The following HOMER1 variants were observed in gnomAD, a reference collection of about 807,000 sequenced individuals.
HOMER1 encodes the protein homer protein homolog 1.
Under a neutral mutation model 48.9 loss-of-function variants are expected in HOMER1, and 3 were observed. The observed-to-expected ratio is 0.06, with a 90% CI of 0.03 to 0.16. The LOEUF is 0.16. HOMER1 is among the 10% of genes least tolerant of loss of function. The pLI is 1.00. For missense variants in HOMER1, 247 were observed against 411.4 expected (o/e 0.60, Z 3.46); for synonymous variants, 134 against 146.4 (o/e 0.92, Z 0.61).
chr5:79,395,907 G>C (rs764138562), intron 8 of HOMER1, among the ~76,000 whole-genome samples: 9 of 152,292 alleles, frequency 5.9e-5, no homozygotes, highest in East Asian at 3.9e-4. Context: ...AATGTTGGCT[G>C]TTCTTATTAT....
chr5:79,449,534 G>A (rs527389702), intron 3 of HOMER1, among the ~76,000 whole-genome samples: 374 of 152,260 alleles, frequency 2.5e-3, no homozygotes, highest in African/African-American at 8.6e-3. Context: ...GTGCAGTGTC[G>A]CAATCCTGGC....
chr5:79,467,391 C>CAAAAAAAAAAAAAAAAAAAAAAAAAA (rs71767032), intron 1 of HOMER1, among the ~76,000 whole-genome samples: 1 of 51,636 alleles, frequency 1.9e-5, no homozygotes. Flanking sequence ...AACTCCATCT[C>CAAAAAAAAAAAAAAAAAAAAAAAAAA]AAAAAAAAAA....
At chr5:79,418,345 C>G (rs569903988) in intron 5 of HOMER1, among the ~76,000 whole-genome samples, 1 of 152,156 alleles carries the variant, frequency 6.6e-6, no homozygotes, top group South Asian at 2.1e-4. Context: ...TAAAGCCTTC[C>G]TGATCGGCCT....
intron 8 of HOMER1, among the ~76,000 whole-genome samples, chr5:79,391,025 T>TA (rs577601983): frequency 1.3e-5 from 2 of 149,762 alleles, no homozygotes; most frequent in Non-Finnish European, 1.5e-5. Context: ...TTCAAAATGC[T>TA]AAAAAAATAA....
intron 5 of HOMER1, among the ~76,000 whole-genome samples, chr5:79,409,980 A>C (rs1468611049): frequency 6.6e-6 from 1 of 152,228 alleles, no homozygotes; most frequent in Non-Finnish European, 1.5e-5. Flanking sequence ...AAAATTTAGA[A>C]TTATATGATC....
intron 1 of HOMER1, among the ~76,000 whole-genome samples, chr5:79,474,636 T>A (rs141310514): frequency 3.1e-3 from 470 of 152,292 alleles, no homozygotes; most frequent in Admixed American, 5.2e-3. Context: ...CTCAGTTAGA[T>A]TGTTTTCTAC....
chr5:79,470,912 A>G (rs1323817070), intron 1 of HOMER1, among the ~76,000 whole-genome samples: 1 of 152,198 alleles, frequency 6.6e-6, no homozygotes, highest in Non-Finnish European at 1.5e-5. Context: ...AAACATGTCT[A>G]CAAAGCCTAA....
intron 1 of HOMER1, among the ~76,000 whole-genome samples, chr5:79,472,741 T>C (rs1751657616): frequency 6.6e-6 from 1 of 152,060 alleles, no homozygotes; most frequent in Admixed American, 6.6e-5. Flanking sequence ...TCTGTGCCAC[T>C]ATACTCCAGC....
intron 8 of HOMER1, among the ~76,000 whole-genome samples, chr5:79,386,757 A>G (rs549448579): frequency 6.6e-6 from 1 of 152,310 alleles, no homozygotes; most frequent in South Asian, 2.1e-4. Context: ...ATCTATCAAT[A>G]AAAGGAAACA....
At chr5:79,496,423 A>G (rs936091774) in intron 1 of HOMER1, among the ~76,000 whole-genome samples, 1 of 152,224 alleles carries the variant, frequency 6.6e-6, no homozygotes, top group Non-Finnish European at 1.5e-5. Context: ...TCATAGGTAT[A>G]TAACAGAAGA....
chr5:79,460,541 T>C (rs964260990), intron 1 of HOMER1, among the ~76,000 whole-genome samples: 6 of 152,070 alleles, frequency 3.9e-5, no homozygotes, highest in Non-Finnish European at 7.4e-5. Flanking sequence ...ACAAAGAGGA[T>C]AGGAGTTTAG....
At chr5:79,426,807 T>A (rs1164605541) in intron 5 of HOMER1, among the ~76,000 whole-genome samples, 2 of 152,162 alleles carry the variant, frequency 1.3e-5, no homozygotes, top group Non-Finnish European at 2.9e-5. Context: ...TGGGGAATGT[T>A]CCTAGCACAA....
At position 79,451,167 on chromosome 5, in the gene HOMER1, C is replaced by T. The variant is rs1400598791; in HGVS notation, c.163-46G>A. 2.5e-6 allele frequency: 4 copies of T among 1,598,578 alleles called. No individual in the cohort carries two copies. The East Asian group carries it at 6.7e-5, about 27-fold the overall frequency. On this transcript the variant is annotated intron_variant, in intron 2 of 8. Transcript: ENST00000334082. ...GAGCAACCAGCAAAAAATCAGCAAA[C>T]AGGCATTTAAATACAAGACCATTCA...
At chr5:79,446,998 G>C in intron 4 of HOMER1, 55 bp downstream of exon 4, 1 of 1,066,930 alleles carries the variant, frequency 9.4e-7, no homozygotes, top group Non-Finnish European at 1.5e-6. Context: ...TGGCATGAAG[G>C]ATATTATCTG....
chr5:79,379,116 A>ATTT (rs1561340324), intron 8 of HOMER1, among the ~76,000 whole-genome samples: 1 of 84,064 alleles, frequency 1.2e-5, no homozygotes, highest in African/African-American at 5.3e-5. Context: ...ATATATATAA[A>ATTT]ATATATAAAT....
chr5:79,508,091 A>G (rs1328985922), intron 1 of HOMER1, among the ~76,000 whole-genome samples: 1 of 152,230 alleles, frequency 6.6e-6, no homozygotes, highest in African/African-American at 2.4e-5. Context: ...ACAGGATACA[A>G]GACACAAAAC....
chr5:79,396,947 G>T, intron 7 of HOMER1, 44 bp from the exon 8 acceptor site: 1 of 1,032,296 alleles, frequency 9.7e-7, no homozygotes, highest in East Asian at 2.4e-5. Flanking sequence ...ACTATATCAA[G>T]GCAAGGGAAG....
intron 8 of HOMER1, among the ~76,000 whole-genome samples, chr5:79,376,600 G>A (rs1748778179): frequency 6.6e-6 from 1 of 152,134 alleles, no homozygotes; most frequent in African/African-American, 2.4e-5. Flanking sequence ...GAAAGAAAAA[G>A]AAATTAACTT....
intron 5 of HOMER1, among the ~76,000 whole-genome samples, chr5:79,402,859 C>T (rs1206605879): frequency 6.6e-6 from 1 of 152,044 alleles, no homozygotes; most frequent in Non-Finnish European, 1.5e-5. Flanking sequence ...TCATCTTATT[C>T]AGGACCTTAA....
Sources: allele counts gnomAD v4.1 joint callset (sites outside exome capture counted in the v4.1 genomes callset), GRCh38; gene constraint gnomAD v4.1.1; transcripts MANE v1.5; gene names NCBI Gene and HGNC (gene_info 2026-07-23, HGNC 2026-07-21).